Variants in ARAP3 observed in about 807,000 individuals in gnomAD.
The protein encoded by ARAP3 is ArfGAP with RhoGAP domain, ankyrin repeat and PH domain 3, also known as arf-GAP with Rho-GAP domain, ANK repeat and PH domain-containing protein 3.
Under a neutral mutation model 169.2 loss-of-function variants are expected in ARAP3, and 82 were observed. That is an observed-to-expected ratio of 0.48 (90% CI 0.41 to 0.58). The LOEUF is 0.58. Ranked by LOEUF, ARAP3 falls within the 20% of genes least tolerant of loss-of-function variation. ARAP3 has a pLI of 0.00. For synonymous variants in ARAP3, 791 were observed against 800.3 expected (o/e 0.99, Z 0.20); for missense variants, 1,764 against 2,018.0 (o/e 0.87, Z 2.41).
rs756133735 is a variant in ARAP3 at position 141,679,562 on chromosome 5, C to T, written c.681G>A (p.Gln227=). ...GTACTCACCTGTGTTCAGCCCTGCC[C>T]TGACAAACACCTCTGCTCTCTCTTC... ...PDRRESRGVC[Q]GRAEHRLSRQ... The change falls in exon 4 of 33, where the codon CAG becomes CAA. Residue 227 remains glutamine (Q), a synonymous_variant. Coordinates refer to ENST00000239440, the MANE Select transcript of ARAP3 (RefSeq NM_022481.6). 7 of 1,614,170 alleles carry T rather than the reference C, an allele frequency of 4.3e-6. No individual in the cohort carries two copies. In the South Asian group the frequency reaches 7.7e-5, roughly 18 times the overall value.
At chr5:141,678,828 C>T (rs2099912570) in intron 4 of ARAP3, among the ~76,000 whole-genome samples, 1 of 152,080 alleles carries the variant, frequency 6.6e-6, no homozygotes, top group Admixed American at 6.6e-5. Context: ...TTTTCCATGG[C>T]ACTTAATACC....
chr5:141,680,677 C>G, intron 1 of ARAP3, 174 bp from the exon 2 acceptor site: 1 of 1,034,180 alleles, frequency 9.7e-7, no homozygotes, highest in Non-Finnish European at 1.3e-6. Flanking sequence ...TGGCTCTCTA[C>G]TTAGGGAAGG....
chr5:141,671,615 G>C lies in ARAP3; in HGVS notation c.1809C>G (p.Phe603Leu). The change falls in exon 12 of 33, where the codon TTC (phenylalanine) becomes TTG (leucine). Residue 603 changes from phenylalanine (F) to leucine (L), a missense_variant. Physicochemically the swap from Phe to Leu is conservative, Grantham distance 22. Coordinates refer to ENST00000239440, the MANE Select transcript of ARAP3 (RefSeq NM_022481.6). The surrounding 1 kb of genome is among the most constrained non-coding windows in gnomAD (Gnocchi z 4.9). Reference sequence around the variant, plus strand: ...CTGGGTACTGAGGGTGGGGCTTCCGGAAGAGACCCAGACGGTACTTTCGGG... The same window carrying C: ...CTGGGTACTGAGGGTGGGGCTTCCGCAAGAGACCCAGACGGTACTTTCGGG... ...FISRKYRLGLFRKPHPQYPDH... is the reference protein window; with the variant it reads ...FISRKYRLGLLRKPHPQYPDH... 1.2e-6 allele frequency: 2 copies of C among 1,614,116 alleles called. No individual in the cohort carries two copies. The highest frequency in any genetic ancestry group is 1.7e-6 in the Non-Finnish European group (2 of 1,179,992).
intron 4 of ARAP3, among the ~76,000 whole-genome samples, chr5:141,675,276 G>T (rs1185896140): frequency 6.6e-6 from 1 of 151,940 alleles, no homozygotes; most frequent in Non-Finnish European, 1.5e-5. Context: ...ACTTTCCAGG[G>T]GTTCTCAACC....
chr5:141,674,908 C>G (rs941485194), intron 4 of ARAP3, among the ~76,000 whole-genome samples: 3 of 152,198 alleles, frequency 2.0e-5, no homozygotes, highest in Admixed American at 2.0e-4. Flanking sequence ...CCACAGGCAC[C>G]AAAGTGTTCT....
chr5:141,662,255 C>A lies in ARAP3; in HGVS notation c.2801G>T (p.Gly934Val), dbSNP rs143421982. The A allele has an allele frequency of 6.2e-7, 1 of 1,613,882 alleles. No homozygotes were observed. The highest frequency in any genetic ancestry group is 8.5e-7 in the Non-Finnish European group (1 of 1,179,958). The change falls in exon 20 of 33, where the codon GGG becomes GTG. Residue 934 changes from glycine (G) to valine (V), a missense_variant and splice_region_variant. Physicochemically the swap from Gly to Val is moderately radical, Grantham distance 109. Around this residue, in one of 3 missense-constraint regions of ARAP3, gnomAD observed 1,112 missense variants for 1,285.7 expected, o/e 0.86. Coordinates refer to ENST00000239440, the MANE Select transcript of ARAP3 (RefSeq NM_022481.6). ...DACISFVTQH[G>V]LRLEGVYRKG... The stretch of plus-strand genomic sequence containing the variant: ...CCGGTATACACCTTCCAGCCGGAGC[C>A]CTGAGGAGAGCCAGCCGTCTCTGCT...
At chr5:141,659,566 T>G (rs2099909679) in intron 22 of ARAP3, 90 bp from the exon 23 acceptor site, 2 of 1,457,874 alleles carry the variant, frequency 1.4e-6, no homozygotes, top group African/African-American at 1.4e-5. Context: ...TTAAGAGGGC[T>G]GGAGGCCAGA....
In ARAP3 at chr5:141,673,392, GCCCCCCA is replaced by G; in HGVS notation, c.972+2_972+8del. Reference sequence around the variant, plus strand: ...CATCTCCATATCGTCACATCTCCCAGCCCCCCACCTTGTCACTGCCAAAGTACATCAG... The same window carrying G: ...CATCTCCATATCGTCACATCTCCCAGCCTTGTCACTGCCAAAGTACATCAG... On this transcript the variant is annotated splice_donor_variant and splice_donor_5th_base_variant and intron_variant, in intron 6 of 32. Coordinates refer to ENST00000239440, the MANE Select transcript of ARAP3 (RefSeq NM_022481.6). LOFTEE classifies it high-confidence loss of function. The G allele has an allele frequency of 6.2e-7, 1 of 1,613,664 alleles. No homozygotes were observed. Among genetic ancestry groups the G allele is most frequent in the Non-Finnish European group, 8.5e-7 (1 of 1,179,938 alleles).
rs956583362 is a variant in ARAP3, at chr5:141,653,811, C to T, written c.*139G>A. On this transcript the variant is annotated 3_prime_UTR_variant, in exon 33 of 33. Transcript: ENST00000239440. ...TCCTGGGACACGCAGCCACTGAAGC[C>T]TTTAGTCCAGTGCTCCTTCCACAGC... 3 of 1,273,004 alleles carry T rather than the reference C, an allele frequency of 2.4e-6. No individual in the cohort carries two copies. The Admixed American group carries it at 8.2e-5, about 35-fold the overall frequency. The allele number at this position is 1,273,004 out of a possible 1,614,324, so 78.9% of individuals were successfully genotyped here.
In ARAP3 at chr5:141,673,813, TG is replaced by T; in HGVS notation, c.699-6del. 1 of 1,613,678 alleles carries T rather than the reference TG, an allele frequency of 6.2e-7. No individual in the cohort carries two copies. Among genetic ancestry groups the T allele is most frequent in the Non-Finnish European group, 8.5e-7 (1 of 1,179,934 alleles). Reference sequence around the variant, plus strand: ...TCCAGATCCTGTCTGCTGAGCCTTGTGGGGGCCAAGACAGGGAGGGACACAC... The same window carrying T: ...TCCAGATCCTGTCTGCTGAGCCTTGTGGGGCCAAGACAGGGAGGGACACAC... On this transcript the variant is annotated splice_polypyrimidine_tract_variant and splice_region_variant and intron_variant, in intron 4 of 32. Coordinates refer to ENST00000239440, the MANE Select transcript of ARAP3 (RefSeq NM_022481.6).
At position 141,672,558 on chromosome 5, in the gene ARAP3, C is replaced by T. The variant is rs1180910288; in HGVS notation, c.1379G>A (p.Cys460Tyr). 1.9e-6 allele frequency: 3 copies of T among 1,614,064 alleles called. No individual in the cohort carries two copies. The highest frequency in any genetic ancestry group is 2.2e-5 in the South Asian group (2 of 91,070). Residue 460 changes from cysteine (C) to tyrosine (Y), a missense_variant, in exon 9 of 33, where the codon TGC becomes TAC. Cys to Tyr is a radical substitution (Grantham distance 194). This residue lies in a region of ARAP3 where 630 missense variants were observed against 678.7 expected (regional missense o/e 0.93). Transcript: ENST00000239440. This position sits in a 1 kb window ranked among gnomAD's most constrained non-coding sequence, Gnocchi z 4.9. ...RSFDLLTPHR[C>Y]FSFTAESGGA... ...CCACTGGCCCAGGCCCCACCTGAAG[C>T]AGCGATGGGGTGTGAGCAGGTCAAA... is the stretch of plus-strand genomic sequence containing the variant.
intron 32 of ARAP3, among the ~76,000 whole-genome samples, 173 bp from the exon 33 acceptor site, chr5:141,654,608 GT>G (rs981520537): frequency 1.3e-5 from 2 of 152,184 alleles, no homozygotes; most frequent in African/African-American, 4.8e-5. Flanking sequence ...ATGCAAAGGG[GT>G]TAAGTAAGTT....
rs565032716 is a variant in ARAP3, at chr5:141,670,724, C to T, written c.1991-96G>A. 14 of 1,004,954 alleles carry T rather than the reference C, an allele frequency of 1.4e-5. No homozygotes were observed. In the East Asian group the frequency reaches 2.9e-4, roughly 20 times the overall value. 62.3% of individuals were successfully genotyped at this position (1,004,954 alleles called of 1,614,324 possible). On this transcript the variant is annotated intron_variant, in intron 13 of 32. Coordinates refer to ENST00000239440, the MANE Select transcript of ARAP3 (RefSeq NM_022481.6). ...GATGAAATGGAGAAAGACAGTGGGA[C>T]CTGACTCCACTGCCAGCACAGCCAA...
intron 32 of ARAP3, 148 bp downstream of exon 32, chr5:141,655,214 C>CACACACACACACACA: frequency 1.6e-6 from 1 of 642,224 alleles, no homozygotes; most frequent in Non-Finnish European, 2.6e-6. Flanking sequence ...CACACACACA[C>CACACACACACACACA]CCTGATGGCC....
rs757957920 is a variant in ARAP3 at position 141,672,262 on chromosome 5, C to T, written c.1425G>A (p.Ala475=). The T allele has an allele frequency of 2.0e-5, 32 of 1,614,052 alleles. No individual in the cohort carries two copies. The African/African-American group carries it at 2.4e-4, about 12-fold the overall frequency. Residue 475 remains alanine, a synonymous_variant, in exon 10 of 33, where the codon GCG becomes GCA. Transcript: ENST00000239440. The surrounding 1 kb of genome is among the most constrained non-coding windows in gnomAD (Gnocchi z 4.9). The stretch of plus-strand genomic sequence containing the variant: ...CGGTTACTGCTTCCTGCAGAGCGGC[C>T]GCCCAGCTCTGCCGAGCACCCCCAG... ...AESGGARQSW[A]AALQEAVTET...
intron 4 of ARAP3, among the ~76,000 whole-genome samples, chr5:141,677,384 C>T (rs1251623614): frequency 6.6e-6 from 1 of 152,194 alleles, no homozygotes; most frequent in African/African-American, 2.4e-5. Context: ...AGCCGCATTT[C>T]ATAGGCCCAG....
chr5:141,662,300 C>T, intron 19 of ARAP3, 45 bp from the exon 20 acceptor site: 1 of 1,589,552 alleles, frequency 6.3e-7, no homozygotes, highest in Non-Finnish European at 8.6e-7. Context: ...GCAAAGGCTA[C>T]CACCACCCAC....
In ARAP3 at chr5:141,662,125, A is replaced by G. The variant is rs1328069789; in HGVS notation, c.2931T>C (p.Thr977=). Residue 977 remains threonine (T), a synonymous_variant, in exon 20 of 33, where the codon ACT becomes ACC. Coordinates refer to ENST00000239440, the MANE Select transcript of ARAP3 (RefSeq NM_022481.6). ...RPGEHFVEDV[T]DTLKRFFREL... Reference sequence around the variant, plus strand: ...CACGAAAGAAGCGTTTGAGTGTGTCAGTGACATCCTCCACAAAGTGCTCCC... The same window carrying G: ...CACGAAAGAAGCGTTTGAGTGTGTCGGTGACATCCTCCACAAAGTGCTCCC... 6.2e-7 allele frequency: 1 copy of G among 1,614,230 alleles called. No individual in the cohort carries two copies. Among genetic ancestry groups the G allele is most frequent in the Non-Finnish European group, 8.5e-7 (1 of 1,180,048 alleles).
Position 141,659,413 on chromosome 5 carries a change from C to T in ARAP3, c.3331G>A (p.Val1111Met). ...EVSLITTWKD[V>M]QLSQAGDLIM... ...CTAAGGTCAGGACGAGTTACCTGCA[C>T]GTCCTTCCAGGTGGTGATAAGACTG... The change falls in exon 23 of 33, where the codon GTG becomes ATG. Residue 1111 changes from valine to methionine, a missense_variant. By Grantham distance (21) the Val-to-Met change is conservative (BLOSUM62 1). Coordinates refer to ENST00000239440, the MANE Select transcript of ARAP3 (RefSeq NM_022481.6). 5.0e-6 allele frequency: 8 copies of T among 1,614,060 alleles called. No individual in the cohort carries two copies. Among genetic ancestry groups the T allele is most frequent in the Non-Finnish European group, 5.9e-6 (7 of 1,179,918 alleles).
Sources: allele counts gnomAD v4.1 joint callset (sites outside exome capture counted in the v4.1 genomes callset), GRCh38; gene constraint gnomAD v4.1.1; regional missense constraint gnomAD v4.1.1; non-coding constraint Gnocchi (gnomAD v3.1); transcripts MANE v1.5; gene names NCBI Gene and HGNC (gene_info 2026-07-23, HGNC 2026-07-21).